Variants in ABCA10 observed in about 807,000 individuals in gnomAD.
The protein encoded by ABCA10 is ATP binding cassette subfamily A member 10.
A neutral mutation model predicts 187.5 loss-of-function variants in ABCA10; 169 were observed. That is an observed-to-expected ratio of 0.90 (90% CI 0.80 to 1.02). The LOEUF (loss-of-function observed/expected upper bound fraction) is 1.02, where lower values mean the gene tolerates loss of function less well. ABCA10 is among the 50% of genes least tolerant of loss of function. ABCA10 has a pLI of 0.00. For synonymous variants in ABCA10, 574 were observed against 601.8 expected, an observed-to-expected ratio of 0.95 and a Z score of 0.68; for missense variants, 1,727 against 1,812.4, an observed-to-expected ratio of 0.95 and a Z score of 0.86.
rs758135672 is a variant in ABCA10, at chr17:69,155,020, T to C, written c.3693A>G (p.Lys1231=). The C allele has an allele frequency of 3.2e-6, 5 of 1,575,296 alleles. No individual in the cohort carries two copies. The South Asian group carries it at 4.5e-5, about 14-fold the overall frequency. Reference sequence around the variant, plus strand: ...AATAAAAGGAACAATTGTTCAAACCTTTTTTAACACAAAAGGAAACATTTC... The same window carrying C: ...AATAAAAGGAACAATTGTTCAAACCCTTTTTAACACAAAAGGAAACATTTC... ...AIRNVSFCVK[K]GEVLGLLGHN... The change falls in exon 30 of 39, where the codon AAA becomes AAG. Residue 1231 remains lysine, a splice_region_variant and synonymous_variant. Coordinates refer to ENST00000690296, the MANE Select transcript of ABCA10 (RefSeq NM_001377321.1).
At chr17:69,191,782 T>A (rs2074462103) in intron 16 of ABCA10, among the ~76,000 whole-genome samples, 1 of 152,234 alleles carries the variant, frequency 6.6e-6, no homozygotes, top group Non-Finnish European at 1.5e-5. Context: ...GGAAAATTCA[T>A]AAGGTTTTTA....
chr17:69,188,601 G>A (rs2074438899), intron 18 of ABCA10, among the ~76,000 whole-genome samples: 1 of 151,516 alleles, frequency 6.6e-6, no homozygotes, highest in African/African-American at 2.4e-5. Flanking sequence ...TAAATTGCGT[G>A]TCATGGGGAT....
chr17:69,223,062 G>A (rs972537961), intron 3 of ABCA10, among the ~76,000 whole-genome samples: 2 of 151,528 alleles, frequency 1.3e-5, no homozygotes, highest in Non-Finnish European at 3.0e-5. Context: ...GGGGAGGAGA[G>A]GGGGTAGGGG....
At chr17:69,198,040 A>G (rs1200139300) in intron 10 of ABCA10, among the ~76,000 whole-genome samples, 1 of 152,196 alleles carries the variant, frequency 6.6e-6, no homozygotes, top group Admixed American at 6.5e-5. Context: ...TAGAATTTCT[A>G]CTATCTACCC....
rs186968764 is a variant in ABCA10, at chr17:69,178,685, G to A, written c.2770-3172C>T. ...TAAAAATAAATTATCCTCCACAATG[G>A]GTGAGCAGTAAAATATACTATACTA... On this transcript the variant is annotated intron_variant, in intron 22 of 38. Coordinates refer to ENST00000690296, the MANE Select transcript of ABCA10 (RefSeq NM_001377321.1). 1.8e-3 allele frequency among the ~76,000 whole-genome samples: 277 copies of A among 152,090 alleles called. 2 individuals carry two copies. Among genetic ancestry groups the A allele is most frequent in the African/African-American group, 6.3e-3 (263 of 41,500 alleles).
intron 20 of ABCA10, among the ~76,000 whole-genome samples, chr17:69,183,917 G>T (rs1168677020): frequency 6.6e-6 from 1 of 152,154 alleles, no homozygotes. Flanking sequence ...ATGGCAGGGG[G>T]AAGGCACATA....
rs746719282 is a variant in ABCA10, at chr17:69,175,416, C to T, written c.2867G>A (p.Ser956Asn). 1.2e-6 allele frequency: 2 copies of T among 1,609,220 alleles called. No homozygotes were observed. The highest frequency in any genetic ancestry group is 1.7e-6 in the Non-Finnish European group (2 of 1,177,662). The part of the protein sequence containing the change: ...VSPFIGMSSI[S>N]DYKKNVQSQL... The stretch of plus-strand genomic sequence containing the variant: ...CTCTCTCCCTCTTACTTTATAATCG[C>T]TGATGCTGCTCATGCCGATAAAAGG... Residue 956 changes from serine to asparagine, a missense_variant, in exon 23 of 39, where the codon AGC (serine) becomes AAC (asparagine). Physicochemically the swap from Ser to Asn is conservative, Grantham distance 46. Coordinates refer to ENST00000690296, the MANE Select transcript of ABCA10 (RefSeq NM_001377321.1).
intron 27 of ABCA10, among the ~76,000 whole-genome samples, chr17:69,161,786 G>C (rs571204692): frequency 2.4e-4 from 37 of 152,224 alleles, no homozygotes; most frequent in Non-Finnish European, 4.6e-4. Context: ...ACTGAAGCAA[G>C]AACAAACATC....
At chr17:69,192,243 T>G (rs36145749) in intron 16 of ABCA10, among the ~76,000 whole-genome samples, 13,793 of 152,090 alleles carry the variant, frequency 0.091, 815 homozygotes, top group Admixed American at 0.16. Context: ...AGAATCGCTT[T>G]AACCAGGGAG....
chr17:69,232,699 C>CT (rs531160788), upstream of ABCA10, among the ~76,000 whole-genome samples: 203 of 152,234 alleles, frequency 1.3e-3, 2 homozygotes, highest in African/African-American at 4.7e-3. Flanking sequence ...GCATTCTTCT[C>CT]TTTAGATTAG....
intron 1 of ABCA10, among the ~76,000 whole-genome samples, chr17:69,242,935 A>C (rs2074914079): frequency 6.6e-6 from 1 of 152,218 alleles, no homozygotes; most frequent in Non-Finnish European, 1.5e-5. Flanking sequence ...TAAAGCTCAA[A>C]AATCAAAGTT....
Position 69,222,589 on chromosome 17 carries a change from A to G in ABCA10, c.143T>C (p.Leu48Pro). 6.2e-7 allele frequency: 1 copy of G among 1,600,894 alleles called. No homozygotes were observed. The highest frequency in any genetic ancestry group is 2.3e-5 in the East Asian group (1 of 44,156). The stretch of plus-strand genomic sequence containing the variant: ...GATTCTATATCCCCAATTAAACTTC[A>G]GGCGATATGAGAAAGTATCACTAAA... ...VIFSDTFSYR[L>P]KFNWGYRIPV... The change falls in exon 4 of 39, where the codon CTG becomes CCG. Residue 48 changes from leucine to proline, a missense_variant. By Grantham distance (98) the Leu-to-Pro change is moderately conservative. Coordinates refer to ENST00000690296, the MANE Select transcript of ABCA10 (RefSeq NM_001377321.1).
At chr17:69,149,177 G>A (rs2144747457) in intron 37 of ABCA10, 89 bp from the exon 38 acceptor site, 2 of 1,414,466 alleles carry the variant, frequency 1.4e-6, no homozygotes, top group Non-Finnish European at 1.0e-6. Context: ...GCTTCAAATT[G>A]TTTAGATACT....
In ABCA10 at chr17:69,164,174, C is replaced by T. The variant is rs1418901179; in HGVS notation, c.3283-20G>A. The T allele has an allele frequency of 6.4e-7, 1 of 1,553,560 alleles. No individual in the cohort carries two copies. The highest frequency in any genetic ancestry group is 8.6e-7 in the Non-Finnish European group (1 of 1,156,190). ...GTCGAGCTGAAAAAAAACCCACCAA[C>T]AGTTAAATGCAAGTTTCTCTATAAA... On this transcript the variant is annotated intron_variant, in intron 26 of 38. Transcript: ENST00000690296.
chr17:69,164,296 T>C (rs2074240138), intron 26 of ABCA10, 142 bp from the exon 27 acceptor site: 3 of 639,974 alleles, frequency 4.7e-6, no homozygotes, highest in Non-Finnish European at 7.6e-6. Flanking sequence ...AGTTGTTTTC[T>C]GATGCTAAAG....
intron 20 of ABCA10, 74 bp downstream of exon 20, chr17:69,185,403 T>C: frequency 7.2e-7 from 1 of 1,393,002 alleles, no homozygotes; most frequent in Non-Finnish European, 9.5e-7. Context: ...TGTTTTCAAT[T>C]GTCTCTCAGG....
At chr17:69,174,148 A>C (rs1375421564) in intron 25 of ABCA10, 133 bp downstream of exon 25, 1 of 556,816 alleles carries the variant, frequency 1.8e-6, no homozygotes, top group Non-Finnish European at 3.0e-6. Context: ...GTACAACAAT[A>C]ATGAAAGTAC....
At chr17:69,198,735 A>C (rs1390458301) in intron 10 of ABCA10, among the ~76,000 whole-genome samples, 1 of 152,112 alleles carries the variant, frequency 6.6e-6, no homozygotes, top group Non-Finnish European at 1.5e-5. Flanking sequence ...CTTTACTCCC[A>C]CAATATTTCC....
Position 69,164,947 on chromosome 17 carries a change from T to C in ABCA10, c.3282+17A>G. ...TACAAGGTCAAGACTGGAGACACAG[T>C]AGGTAACACTGCTTACCTGGATCAA... On this transcript the variant is annotated intron_variant, in intron 26 of 38. Transcript: ENST00000690296. 6.2e-7 allele frequency: 1 copy of C among 1,611,252 alleles called. No individual in the cohort carries two copies. The highest frequency in any genetic ancestry group is 8.5e-7 in the Non-Finnish European group (1 of 1,178,400).
Sources: allele counts gnomAD v4.1 joint callset (sites outside exome capture counted in the v4.1 genomes callset), GRCh38; gene constraint gnomAD v4.1.1; transcripts MANE v1.5; gene names NCBI Gene and HGNC (gene_info 2026-07-23, HGNC 2026-07-21).